Variants in CHRM3 observed in about 807,000 individuals in gnomAD.
The protein encoded by CHRM3 is cholinergic receptor muscarinic 3, also known as muscarinic acetylcholine receptor M3.
CHRM3 carries 11 observed loss-of-function variants against 41.8 expected under a neutral mutation model. That is an observed-to-expected ratio of 0.26 (90% confidence interval 0.17 to 0.44). The LOEUF is 0.44. Ranked by LOEUF, CHRM3 falls within the 20% of genes least tolerant of loss-of-function variation. The pLI, the probability that CHRM3 is intolerant of heterozygous loss-of-function variation, is 1.00. For missense variants in CHRM3, 571 were observed against 745.4 expected, an observed-to-expected ratio of 0.77 and a Z score of 2.72; for synonymous variants, 297 against 301.4, an observed-to-expected ratio of 0.99 and a Z score of 0.15.
intron 5 of CHRM3, among the ~76,000 whole-genome samples, chr1:239,690,931 G>C (rs1404925263): frequency 1.3e-5 from 2 of 152,038 alleles, no homozygotes; most frequent in Non-Finnish European, 2.9e-5. Flanking sequence ...AAGGATTTGA[G>C]GTTGAAGTGA....
intron 4 of CHRM3, among the ~76,000 whole-genome samples, chr1:239,656,418 T>A (rs1279697702): frequency 6.6e-6 from 1 of 150,412 alleles, no homozygotes; most frequent in Non-Finnish European, 1.5e-5. Flanking sequence ...CTCAGGAGTT[T>A]GAGAGCAGCC....
chr1:239,637,512 A>G (rs1007317309), intron 4 of CHRM3, among the ~76,000 whole-genome samples: 25 of 136,274 alleles, frequency 1.8e-4, no homozygotes, highest in African/African-American at 6.8e-4. Flanking sequence ...TCCTTTCATC[A>G]AAGTCTTTTT....
chr1:239,699,078 T>A (rs901920205), intron 5 of CHRM3, among the ~76,000 whole-genome samples: 2 of 152,216 alleles, frequency 1.3e-5, no homozygotes, highest in African/African-American at 2.4e-5. Flanking sequence ...GCATTTTTCT[T>A]TGAAGAGTTT....
rs1572302627 is a variant in CHRM3, at chr1:239,791,033, A to G, written c.-146-36219A>G. ...CACCAAAAAATAGGAAAATATCTGT[A>G]GGAGTCGCTCCTGGAGAAAAAAAAA... is the stretch of plus-strand genomic sequence containing the variant. On this transcript the variant is annotated intron_variant, in intron 5 of 6. Transcript: ENST00000676153. Among the ~76,000 whole-genome samples, 3 of 147,298 alleles carry G rather than the reference A, an allele frequency of 2.0e-5. No homozygotes were observed. In the East Asian group the frequency reaches 6.3e-4, roughly 31 times the overall value.
chr1:239,563,496 TATG>T (rs1428005123), intron 3 of CHRM3, among the ~76,000 whole-genome samples: 6 of 152,214 alleles, frequency 3.9e-5, no homozygotes, highest in Non-Finnish European at 8.8e-5. Context: ...TCTCCAAATA[TATG>T]ATATTTTCAT....
At chr1:239,789,208 C>A (rs1042533564) in intron 5 of CHRM3, among the ~76,000 whole-genome samples, 1 of 152,118 alleles carries the variant, frequency 6.6e-6, no homozygotes, top group Non-Finnish European at 1.5e-5. Flanking sequence ...ATGCATATTA[C>A]GTCTGTCATG....
At chr1:239,712,718 C>T (rs1212113057) in intron 5 of CHRM3, among the ~76,000 whole-genome samples, 1 of 152,088 alleles carries the variant, frequency 6.6e-6, no homozygotes, top group Admixed American at 6.6e-5. Context: ...TTGTAAACCC[C>T]AAAGCACTAA....
intron 3 of CHRM3, among the ~76,000 whole-genome samples, chr1:239,611,366 G>T (rs888715606): frequency 6.8e-6 from 1 of 148,056 alleles, no homozygotes; most frequent in African/African-American, 2.5e-5. Context: ...ATAATATTTT[G>T]TCAACAGACA....
chr1:239,773,804 A>G (rs1482397593), intron 5 of CHRM3, among the ~76,000 whole-genome samples: 1 of 152,154 alleles, frequency 6.6e-6, no homozygotes, highest in Non-Finnish European at 1.5e-5. Context: ...TAATTAAAGG[A>G]ATCTGCATGT....
chr1:239,908,964 A>AC lies in CHRM3; in HGVS notation c.1517dup (p.Tyr507IlefsTer12). ...CTTGCTTGCCTTCATCATCACTTGG[A>AC]CCCCATACAACATCATGGTTCTGGT... On this transcript the variant is annotated frameshift_variant, in exon 7 of 7. Transcript: ENST00000676153. LOFTEE classifies it high-confidence loss of function. This position sits in a 1 kb window ranked among gnomAD's most constrained non-coding sequence, Gnocchi z 7.2. 6.2e-7 allele frequency: 1 copy of AC among 1,613,970 alleles called. No homozygotes were observed. The highest frequency in any genetic ancestry group is 8.5e-7 in the Non-Finnish European group (1 of 1,179,998).
chr1:239,586,410 A>C (rs1326735539), intron 3 of CHRM3, among the ~76,000 whole-genome samples: 1 of 152,082 alleles, frequency 6.6e-6, no homozygotes, highest in Non-Finnish European at 1.5e-5. Flanking sequence ...ATTTTTTTGC[A>C]GCATGGAAGT....
chr1:239,844,289 A>G (rs987487676), intron 6 of CHRM3, among the ~76,000 whole-genome samples: 3 of 152,176 alleles, frequency 2.0e-5, no homozygotes, highest in East Asian at 1.9e-4. Flanking sequence ...GGGAGGTTCT[A>G]TATGTGAATG....
At chr1:239,505,269 GA>G (rs1668494213) in intron 2 of CHRM3, among the ~76,000 whole-genome samples, 1 of 148,708 alleles carries the variant, frequency 6.7e-6, no homozygotes, top group Non-Finnish European at 1.5e-5. Flanking sequence ...GGATGATGAT[GA>G]TGATGATGAT....
chr1:239,579,550 G>A (rs1255498632), intron 3 of CHRM3, among the ~76,000 whole-genome samples: 1 of 152,134 alleles, frequency 6.6e-6, no homozygotes, highest in African/African-American at 2.4e-5. Flanking sequence ...CAGGATACTG[G>A]AATTCACTTA....
intron 6 of CHRM3, among the ~76,000 whole-genome samples, chr1:239,844,232 CA>C (rs1674078854): frequency 6.6e-6 from 1 of 152,140 alleles, no homozygotes; most frequent in South Asian, 2.1e-4. Context: ...TTCACCCCAC[CA>C]CCCACCATAT....
At chr1:239,831,627 A>C (rs1672901385) in intron 6 of CHRM3, among the ~76,000 whole-genome samples, 1 of 152,210 alleles carries the variant, frequency 6.6e-6, no homozygotes, top group Admixed American at 6.5e-5. Context: ...TTAAACAAAG[A>C]GATAGTTTAT....
intron 6 of CHRM3, among the ~76,000 whole-genome samples, chr1:239,851,178 G>A (rs560409823): frequency 5.9e-5 from 9 of 152,174 alleles, no homozygotes; most frequent in Non-Finnish European, 1.3e-4. Context: ...TCATTTTGAA[G>A]TCAGGGTAAT....
At chr1:239,664,159 A>G (rs1387693617) in intron 4 of CHRM3, among the ~76,000 whole-genome samples, 1 of 152,236 alleles carries the variant, frequency 6.6e-6, no homozygotes, top group African/African-American at 2.4e-5. Flanking sequence ...CTATTCATTC[A>G]TCCAAGAATC....
At chr1:239,437,807 G>C (rs905904180) in intron 1 of CHRM3, among the ~76,000 whole-genome samples, 1 of 152,144 alleles carries the variant, frequency 6.6e-6, no homozygotes, top group South Asian at 2.1e-4. Flanking sequence ...GTCTGAAATC[G>C]GAAACTAGAG....
Sources: allele counts gnomAD v4.1 joint callset (sites outside exome capture counted in the v4.1 genomes callset), GRCh38; gene constraint gnomAD v4.1.1; non-coding constraint Gnocchi (gnomAD v3.1); transcripts MANE v1.5; gene names NCBI Gene and HGNC (gene_info 2026-07-23, HGNC 2026-07-21).